APC: variants seen among roughly 807,000 people sequenced by gnomAD.
The protein encoded by APC is adenomatous polyposis coli protein.
APC carries 72 observed loss-of-function variants against 247.0 expected under a neutral mutation model. That is an observed-to-expected ratio of 0.29 (90% CI 0.24 to 0.35). The LOEUF is 0.35. Among genes scored for constraint, APC ranks in the 10% least tolerant of loss-of-function variants. APC has a pLI of 1.00. For missense variants in APC, 3,400 were observed against 3,360.7 expected (o/e 1.01, Z -0.29); for synonymous variants, 1,254 against 1,162.5 (o/e 1.08, Z -1.60).
chr5:112,843,229 A>C lies in APC; in HGVS notation c.7635A>C (p.Gly2545=). 1 of 1,613,920 alleles carries C rather than the reference A, an allele frequency of 6.2e-7. No homozygotes were observed. Among genetic ancestry groups the C allele is most frequent in the Non-Finnish European group, 8.5e-7 (1 of 1,179,838 alleles). The stretch of plus-strand genomic sequence containing the variant: ...CTAGACTTCCAATCAATAGGTCAGG[A>C]ACCTGGAAACGTGAGCACAGCAAAC... ...SPSRLPINRS[G]TWKREHSKHS... Residue 2545 remains glycine, a synonymous_variant, in exon 16 of 16, where the codon GGA becomes GGC. Transcript: ENST00000257430. This position sits in a 1 kb window ranked among gnomAD's most constrained non-coding sequence, Gnocchi z 4.8.
intron 11 of APC, among the ~76,000 whole-genome samples, chr5:112,826,115 ATTC>A (rs1355501257): frequency 1.3e-5 from 2 of 152,070 alleles, no homozygotes; most frequent in Non-Finnish European, 2.9e-5. Flanking sequence ...AAACTTGCAG[ATTC>A]TTCTGCATAT....
chr5:112,767,805 A>G (rs1756528947), intron 4 of APC, among the ~76,000 whole-genome samples: 1 of 147,076 alleles, frequency 6.8e-6, no homozygotes, highest in Non-Finnish European at 1.5e-5. Context: ...TAATTTTTGT[A>G]TTTTTGGTAG....
At chr5:112,749,319 G>T (rs1754032035) in intron 1 of APC, among the ~76,000 whole-genome samples, 1 of 151,902 alleles carries the variant, frequency 6.6e-6, no homozygotes, top group African/African-American at 2.4e-5. Flanking sequence ...GGAATGCATT[G>T]GAAAATATTT....
Position 112,764,607 on chromosome 5 carries a change from A to C in APC, c.136-1719A>C, listed in dbSNP as rs972094889. 3.9e-5 allele frequency among the ~76,000 whole-genome samples: 6 copies of C among 152,356 alleles called. No individual in the cohort carries two copies. In the East Asian group the frequency reaches 1.2e-3, roughly 29 times the overall value. ...GTATGGTACCTGTCATACAGATGTA[A>C]AGCATCCATCAGTTGGTTGGAAAAG... is the stretch of plus-strand genomic sequence containing the variant. On this transcript the variant is annotated intron_variant, in intron 2 of 15. Coordinates refer to ENST00000257430, the MANE Select transcript of APC (RefSeq NM_000038.6).
At chr5:112,811,127 A>G (rs1485997712) in intron 8 of APC, among the ~76,000 whole-genome samples, 2 of 152,220 alleles carry the variant, frequency 1.3e-5, no homozygotes, top group African/African-American at 4.8e-5. Flanking sequence ...GGATATTTAT[A>G]AAGCATTGAA....
intron 1 of APC, among the ~76,000 whole-genome samples, chr5:112,724,335 G>A (rs1448281067): frequency 1.3e-5 from 2 of 152,130 alleles, no homozygotes; most frequent in Admixed American, 6.5e-5. Context: ...TTGGGAGCAT[G>A]GAGAAAAAAG....
chr5:112,746,150 T>C (rs1228757857), intron 1 of APC, among the ~76,000 whole-genome samples: 1 of 152,132 alleles, frequency 6.6e-6, no homozygotes, highest in African/African-American at 2.4e-5. Context: ...AGAAATAGTT[T>C]ACTAGTGAAC....
intron 1 of APC, among the ~76,000 whole-genome samples, chr5:112,740,218 A>G (rs1254276817): frequency 6.6e-6 from 1 of 152,220 alleles, no homozygotes; most frequent in Non-Finnish European, 1.5e-5. Context: ...CAGTTTTCAT[A>G]ATGACATTCA....
chr5:112,712,709 C>G (rs1030563866), intron 1 of APC, among the ~76,000 whole-genome samples: 2 of 152,074 alleles, frequency 1.3e-5, no homozygotes, highest in Admixed American at 1.3e-4. Flanking sequence ...CGTTTGTATT[C>G]CTCTTCCCCC....
chr5:112,766,548 G>GTAAT (rs1756358936), intron 3 of APC, 138 bp downstream of exon 3: 1 of 625,338 alleles, frequency 1.6e-6, no homozygotes, highest in East Asian at 2.8e-5. Flanking sequence ...CCCTCAGGAT[G>GTAAT]TAATTGTTAA....
At chr5:112,793,571 C>T (rs1759884037) in intron 7 of APC, among the ~76,000 whole-genome samples, 1 of 152,136 alleles carries the variant, frequency 6.6e-6, no homozygotes, top group South Asian at 2.1e-4. Context: ...AAAATCCATT[C>T]TTCAGGCATA....
Position 112,837,694 on chromosome 5 carries a change from C to T in APC, c.2100C>T (p.Asp700=), listed in dbSNP as rs376487701. The change falls in exon 16 of 16, where the codon GAC becomes GAT. Residue 700 remains aspartate (D), a synonymous_variant. Transcript: ENST00000257430. ...RNPKDQEALW[D]MGAVSMLKNL... ...CTAAAGACCAGGAAGCATTATGGGA[C>T]ATGGGGGCAGTTAGCATGCTCAAGA... is the stretch of plus-strand genomic sequence containing the variant. 1.2e-6 allele frequency: 2 copies of T among 1,614,054 alleles called. No individual in the cohort carries two copies. Among genetic ancestry groups the T allele is most frequent in the African/African-American group, 1.3e-5 (1 of 74,938 alleles).
rs555799753 is a variant in APC, at chr5:112,842,344, C to T, written c.6750C>T (p.Gly2250=). The change falls in exon 16 of 16, where the codon GGC becomes GGT. Residue 2250 remains glycine (G), a synonymous_variant. Coordinates refer to ENST00000257430, the MANE Select transcript of APC (RefSeq NM_000038.6). ...GTACAAGTCCTGTTTCTAAAAAAGGCCCACCCCTTAAGACTCCAGCCTCCA... is the reference window on the plus strand; with the variant it reads ...GTACAAGTCCTGTTTCTAAAAAAGGTCCACCCCTTAAGACTCCAGCCTCCA... The part of the protein sequence containing the change: ...SSSTSPVSKK[G]PPLKTPASKS... 62 of 1,613,880 alleles carry T rather than the reference C, an allele frequency of 3.8e-5. No individual in the cohort carries two copies. The highest frequency in any genetic ancestry group is 4.8e-5 in the Non-Finnish European group (57 of 1,179,854).
chr5:112,836,943 C>T (rs1163440383), intron 15 of APC, among the ~76,000 whole-genome samples: 1 of 152,056 alleles, frequency 6.6e-6, no homozygotes, highest in Non-Finnish European at 1.5e-5. Context: ...TCAGGTGATC[C>T]GCCTGCCTCA....
chr5:112,790,061 T>C (rs1383997915), intron 6 of APC, among the ~76,000 whole-genome samples: 3 of 152,016 alleles, frequency 2.0e-5, no homozygotes, highest in Admixed American at 2.0e-4. Flanking sequence ...GGTTTCACCA[T>C]GTTCCCTAGG....
chr5:112,822,245 G>GA (rs1363989088), intron 11 of APC, among the ~76,000 whole-genome samples: 8 of 151,688 alleles, frequency 5.3e-5, no homozygotes, highest in Admixed American at 3.9e-4. Flanking sequence ...GCCGGAGATT[G>GA]AAAAAAAATG....
intron 6 of APC, among the ~76,000 whole-genome samples, chr5:112,783,585 G>C (rs1758597886): frequency 6.7e-6 from 1 of 148,544 alleles, no homozygotes; most frequent in Admixed American, 6.7e-5. Context: ...TTGAGCCCAG[G>C]AGTTCGAGAC....
chr5:112,708,341 C>G (rs1032389614), intron 1 of APC, among the ~76,000 whole-genome samples: 1 of 152,190 alleles, frequency 6.6e-6, no homozygotes, highest in Non-Finnish European at 1.5e-5. Flanking sequence ...ATTTTGTTCA[C>G]TTTGATGGGA....
Position 112,838,102 on chromosome 5 carries a change from A to G in APC, c.2508A>G (p.Ser836=). The G allele has an allele frequency of 6.2e-7, 1 of 1,614,212 alleles. No homozygotes were observed. The highest frequency in any genetic ancestry group is 8.5e-7 in the Non-Finnish European group (1 of 1,180,034). Reference sequence around the variant, plus strand: ...CTACAGTGTTACCCAGCTCCTCTTCATCAAGAGGAAGCTTAGATAGTTCTC... The same window carrying G: ...CTACAGTGTTACCCAGCTCCTCTTCGTCAAGAGGAAGCTTAGATAGTTCTC... ...LNTTVLPSSS[S]SRGSLDSSRS... is the part of the protein sequence containing the mutation. The change falls in exon 16 of 16, where the codon TCA becomes TCG. Residue 836 remains serine, a synonymous_variant. Transcript: ENST00000257430.
Sources: gnomAD v4.1 joint callset for allele counts (sites outside exome capture counted in the v4.1 genomes callset) on GRCh38, gnomAD v4.1.1 for gene constraint, Gnocchi (gnomAD v3.1) non-coding constraint, MANE v1.5 for transcripts, NCBI Gene and HGNC (gene_info 2026-07-23, HGNC 2026-07-21) for gene names.